DAB1: variants seen among roughly 807,000 people sequenced by gnomAD.
DAB1 encodes DAB adaptor protein 1.
Under a neutral mutation model 64.6 loss-of-function variants are expected in DAB1, and 15 were observed. The observed-to-expected ratio is 0.23, with a 90% CI of 0.16 to 0.36. DAB1 has a LOEUF of 0.36. Among genes scored for constraint, DAB1 ranks in the 10% least tolerant of loss-of-function variants. DAB1 has a pLI of 1.00. For synonymous variants in DAB1, 235 were observed against 251.9 expected, an observed-to-expected ratio of 0.93 and a Z score of 0.64; for missense variants, 596 against 706.7, an observed-to-expected ratio of 0.84 and a Z score of 1.78.
chr1:58,294,533 A>G (rs566238380), intron 4 of DAB1, among the ~76,000 whole-genome samples: 1 of 152,268 alleles, frequency 6.6e-6, no homozygotes, highest in South Asian at 2.1e-4. Context: ...GGATATACAA[A>G]TAAAGGAGAC....
In DAB1 at chr1:57,584,847, T is replaced by C. The variant is rs1645358127; in HGVS notation, n.625+64745A>G. On this transcript the variant is annotated intron_variant and non_coding_transcript_variant, in intron 7 of 20. Coordinates refer to the DAB1 transcript ENST00000485760. The stretch of plus-strand genomic sequence containing the variant: ...TCTACCCCTTGTCAAGATATGGCTA[T>C]GTGGCAGGAGGTAGAATGAGAGATT... 2.0e-5 allele frequency among the ~76,000 whole-genome samples: 3 copies of C among 152,358 alleles called. 1 individual carries two copies. The South Asian group carries it at 6.2e-4, about 32-fold the overall frequency.
chr1:58,266,275 G>A (rs1451385177), intron 4 of DAB1, among the ~76,000 whole-genome samples: 3 of 152,168 alleles, frequency 2.0e-5, no homozygotes, highest in African/African-American at 7.2e-5. Context: ...CAGGGTGGTA[G>A]GTCTGAAGGG....
chr1:57,746,219 A>G (rs982859108), intron 6 of DAB1, among the ~76,000 whole-genome samples: 2 of 152,190 alleles, frequency 1.3e-5, no homozygotes, highest in Non-Finnish European at 2.9e-5. Context: ...AAATAGGTAT[A>G]TATCTGTATG....
intron 3 of DAB1, among the ~76,000 whole-genome samples, chr1:58,366,489 C>T (rs1644219001): frequency 6.6e-6 from 1 of 152,224 alleles, no homozygotes; most frequent in Non-Finnish European, 1.5e-5. Context: ...TCCTCAAGAA[C>T]ATACTATAGG....
At chr1:57,193,312 C>G (rs548186220) in intron 2 of DAB1, among the ~76,000 whole-genome samples, 10 of 150,004 alleles carry the variant, frequency 6.7e-5, no homozygotes, top group African/African-American at 2.4e-4. Context: ...TGGACTCATA[C>G]AGTACTGGTC....
At chr1:58,196,398 G>GA (rs1258192479) in intron 4 of DAB1, among the ~76,000 whole-genome samples, 1 of 152,198 alleles carries the variant, frequency 6.6e-6, no homozygotes, top group Non-Finnish European at 1.5e-5. Context: ...AGCAGCTGCT[G>GA]AAATAGTTGG....
chr1:58,276,400 T>C (rs1485119455), intron 4 of DAB1, among the ~76,000 whole-genome samples: 1 of 152,200 alleles, frequency 6.6e-6, no homozygotes, highest in East Asian at 1.9e-4. Context: ...AGAGTGCTTT[T>C]CACAAAGGAA....
intron 4 of DAB1, among the ~76,000 whole-genome samples, chr1:58,291,185 C>A (rs927721551): frequency 2.6e-5 from 4 of 152,174 alleles, no homozygotes; most frequent in African/African-American, 9.7e-5. Flanking sequence ...CACTCCACAG[C>A]CATCAAAAAC....
intron 9 of DAB1, among the ~76,000 whole-genome samples, chr1:57,052,932 C>T (rs553132487): frequency 9.8e-5 from 15 of 152,298 alleles, no homozygotes; most frequent in African/African-American, 3.6e-4. Context: ...TGCTCTTCCC[C>T]TTAATCATGA....
At chr1:57,255,951 A>G (rs1002558193) in intron 2 of DAB1, among the ~76,000 whole-genome samples, 1 of 152,210 alleles carries the variant, frequency 6.6e-6, no homozygotes, top group African/African-American at 2.4e-5. Flanking sequence ...TTAATGTGCC[A>G]TTTATTAAAT....
intron 9 of DAB1, chr1:57,033,555 C>T (rs767870898): frequency 1.2e-6 from 2 of 1,612,690 alleles, no homozygotes; most frequent in South Asian, 2.2e-5. Flanking sequence ...TCTTCAAAAT[C>T]CTCAAACGAA....
upstream of DAB1, among the ~76,000 whole-genome samples, chr1:57,428,523 T>C (rs184832769): frequency 1.1e-3 from 163 of 152,342 alleles, no homozygotes; most frequent in Non-Finnish European, 1.7e-3. Context: ...TAATATTCCA[T>C]TGTAGACATA....
intron 5 of DAB1, among the ~76,000 whole-genome samples, chr1:58,012,356 T>G (rs562077562): frequency 1.8e-4 from 27 of 152,070 alleles, no homozygotes. Flanking sequence ...GGGACTCAGG[T>G]TGCCTTCATT....
At chr1:57,273,461 A>G (rs980259584) in intron 2 of DAB1, among the ~76,000 whole-genome samples, 1 of 152,070 alleles carries the variant, frequency 6.6e-6, no homozygotes, top group Non-Finnish European at 1.5e-5. Context: ...GTACTCCAAT[A>G]AGACCTGGCT....
intron 2 of DAB1, among the ~76,000 whole-genome samples, chr1:58,509,187 G>C (rs1646035081): frequency 6.6e-6 from 1 of 151,994 alleles, no homozygotes; most frequent in Non-Finnish European, 1.5e-5. Flanking sequence ...ATGTACCAAA[G>C]GATGAAGATA....
intron 2 of DAB1, among the ~76,000 whole-genome samples, chr1:57,287,622 T>A (rs1240319576): frequency 6.6e-6 from 1 of 152,184 alleles, no homozygotes; most frequent in African/African-American, 2.4e-5. Context: ...CATGGTTATA[T>A]TCAAAATTCA....
intron 1 of DAB1, among the ~76,000 whole-genome samples, chr1:57,881,731 G>C (rs1644147046): frequency 6.6e-6 from 1 of 152,100 alleles, no homozygotes; most frequent in Non-Finnish European, 1.5e-5. Context: ...GGGGGATGAT[G>C]GGTGGCTTCT....
chr1:57,355,543 T>C (rs1164383430), intron 1 of DAB1, among the ~76,000 whole-genome samples: 2 of 151,080 alleles, frequency 1.3e-5, no homozygotes, highest in African/African-American at 2.4e-5. Context: ...GGGGATAGAG[T>C]GGAGTTGGGG....
chr1:57,252,362 G>A (rs184461407), intron 2 of DAB1, among the ~76,000 whole-genome samples: 1 of 152,276 alleles, frequency 6.6e-6, no homozygotes, highest in African/African-American at 2.4e-5. Flanking sequence ...GATGAGGTCA[G>A]GGCCCTGAGT....
Sources: gnomAD v4.1 joint callset for allele counts (sites outside exome capture counted in the v4.1 genomes callset) on GRCh38, gnomAD v4.1.1 for gene constraint, MANE v1.5 for transcripts, NCBI Gene and HGNC (gene_info 2026-07-23, HGNC 2026-07-21) for gene names.